COL7A1: variants seen among roughly 807,000 people sequenced by gnomAD.
COL7A1 encodes collagen type VII alpha 1 chain, also known as collagen alpha-1(VII) chain.
Under a neutral mutation model 456.2 loss-of-function variants are expected in COL7A1, and 296 were observed. The ratio of observed to expected loss-of-function variants is 0.65; its 90% CI spans 0.59 to 0.71. COL7A1 has a LOEUF of 0.71. Ranked by LOEUF, COL7A1 falls within the 30% of genes least tolerant of loss-of-function variation. The pLI is 0.00. For missense variants in COL7A1, 3,441 were observed against 4,017.2 expected (o/e 0.86, Z 3.88); for synonymous variants, 1,464 against 1,525.9 (o/e 0.96, Z 0.95).
rs761557801 is a variant in COL7A1, at chr3:48,583,100, C to G, written c.4482+27G>C. The G allele has an allele frequency of 2.5e-6, 4 of 1,613,984 alleles. No individual in the cohort carries two copies. The highest frequency in any genetic ancestry group is 1.7e-5 in the Admixed American group (1 of 60,014). ...GAGTTGGGCCCAGATCCTCCAGGGC[C>G]CTTGGCACCCCCCAGGTTGCACTTA... On this transcript the variant is annotated intron_variant, in intron 43 of 118. Transcript: ENST00000681320. This position sits in a 1 kb window ranked among gnomAD's most constrained non-coding sequence, Gnocchi z 5.1.
At position 48,580,750 on chromosome 3, in the gene COL7A1, C is replaced by A. The variant is rs1016793471; in HGVS notation, c.4981-98G>T. 1.3e-6 allele frequency: 2 copies of A among 1,568,812 alleles called. 1 individual carries two copies. Among genetic ancestry groups the A allele is most frequent in the East Asian group, 4.5e-5 (2 of 44,306 alleles). On this transcript the variant is annotated intron_variant, in intron 54 of 118. Transcript: ENST00000681320. This position sits in a 1 kb window ranked among gnomAD's most constrained non-coding sequence, Gnocchi z 4.5. ...CCCAGGTTCCCCATTACTCCAAAATCCACATCAGAGGTTCCCATCACCCCA... is the reference window on the plus strand; with the variant it reads ...CCCAGGTTCCCCATTACTCCAAAATACACATCAGAGGTTCCCATCACCCCA...
Position 48,568,181 on chromosome 3 carries a change from G to A in COL7A1, c.7795-11C>T, listed in dbSNP as rs752135325. On this transcript the variant is annotated splice_polypyrimidine_tract_variant and intron_variant, in intron 105 of 118. Coordinates refer to ENST00000681320, the MANE Select transcript of COL7A1 (RefSeq NM_000094.4). The surrounding 1 kb of genome is among the most constrained non-coding windows in gnomAD (Gnocchi z 5.2). ...CTTTCCTGGGGATCCCTAGCAGGGA[G>A]AGGGTCCATGTGAGGTCAGAGGAGG... 1 of 1,612,220 alleles carries A rather than the reference G, an allele frequency of 6.2e-7. No individual in the cohort carries two copies. Among genetic ancestry groups the A allele is most frequent in the Non-Finnish European group, 8.5e-7 (1 of 1,179,964 alleles).
rs1183692844 is a variant in COL7A1 at position 48,564,375 on chromosome 3, G to C, written c.*31C>G. On this transcript the variant is annotated 3_prime_UTR_variant, in exon 119 of 119. Transcript: ENST00000681320. This position sits in a 1 kb window ranked among gnomAD's most constrained non-coding sequence, Gnocchi z 6.0. ...CTGCTGAGACCCCGACTCCTCCAGG[G>C]GATGCTGAATCTCAGCTCATTATCT... 1 of 1,613,776 alleles carries C rather than the reference G, an allele frequency of 6.2e-7. No homozygotes were observed. The highest frequency in any genetic ancestry group is 1.7e-5 in the Admixed American group (1 of 60,018).
chr3:48,564,792 G>C lies in COL7A1; in HGVS notation c.8809C>G (p.Gln2937Glu), dbSNP rs1575414031. The change falls in exon 118 of 119, where the codon CAG (glutamine) becomes GAG (glutamate). Residue 2937 changes from glutamine to glutamate, a missense_variant. By Grantham distance (29) the Gln-to-Glu change is conservative (BLOSUM62 2). Around this residue, in one of 3 missense-constraint regions of COL7A1, gnomAD observed 2,084 missense variants for 2,501.3 expected, o/e 0.83. Transcript: ENST00000681320. The surrounding 1 kb of genome is among the most constrained non-coding windows in gnomAD (Gnocchi z 6.0). ...RRCPPRVVQS[Q>E]GTGTAQD ...GGGGCTCAGCCCATACCTGTCCCCT[G>C]GCTCTGGACCACCCGGGGTGGGCAG... 3 of 1,613,714 alleles carry C rather than the reference G, an allele frequency of 1.9e-6. No homozygotes were observed. The highest frequency in any genetic ancestry group is 2.5e-6 in the Non-Finnish European group (3 of 1,179,896).
At position 48,585,007 on chromosome 3, in the gene COL7A1, C is replaced by T; in HGVS notation, c.3975+29G>A. On this transcript the variant is annotated intron_variant, in intron 33 of 118. Transcript: ENST00000681320. The surrounding 1 kb of genome is among the most constrained non-coding windows in gnomAD (Gnocchi z 4.5). ...ACCCCACCCACTCAGGCAGCGCCCA[C>T]CCTGACCTGCAGGACAAGGCTTGCT... 1 of 1,613,636 alleles carries T rather than the reference C, an allele frequency of 6.2e-7. No individual in the cohort carries two copies. Among genetic ancestry groups the T allele is most frequent in the Non-Finnish European group, 8.5e-7 (1 of 1,179,984 alleles).
rs2045853579 is a variant in COL7A1, at chr3:48,593,449, C to A, written c.427G>T (p.Val143Phe). The A allele has an allele frequency of 1.2e-6, 2 of 1,614,120 alleles. No individual in the cohort carries two copies. The highest frequency in any genetic ancestry group is 1.3e-5 in the African/African-American group (1 of 75,038). The change falls in exon 5 of 119, where the codon GTC (valine) becomes TTC (phenylalanine). Residue 143 changes from valine (V) to phenylalanine (F), a missense_variant and splice_region_variant. Physicochemically the swap from Val to Phe is conservative, Grantham distance 50. This residue lies in a region of COL7A1 where 913 missense variants were observed against 1,088.2 expected (regional missense o/e 0.84). Coordinates refer to ENST00000681320, the MANE Select transcript of COL7A1 (RefSeq NM_000094.4). This position sits in a 1 kb window ranked among gnomAD's most constrained non-coding sequence, Gnocchi z 4.4. ...TTCCCGTCTGTGATCAGGATGCAGA[C>A]CTGGGACAGGTGCAGGGGTCAAATC... ...PQLARPGVPK[V>F]CILITDGKSQ... is the part of the protein sequence containing the mutation.
Position 48,574,554 on chromosome 3 carries a change from A to C in COL7A1, c.6394-4T>G. On this transcript the variant is annotated splice_region_variant and splice_polypyrimidine_tract_variant and intron_variant, in intron 78 of 118. Coordinates refer to ENST00000681320, the MANE Select transcript of COL7A1 (RefSeq NM_000094.4). This position sits in a 1 kb window ranked among gnomAD's most constrained non-coding sequence, Gnocchi z 5.0. Reference sequence around the variant, plus strand: ...CTCCTTTGATGCCTGGCACACCCTGAAGGCAGAGTGTCGTGCCCTGAGCCC... The same window carrying C: ...CTCCTTTGATGCCTGGCACACCCTGCAGGCAGAGTGTCGTGCCCTGAGCCC... The C allele has an allele frequency of 6.2e-7, 1 of 1,613,904 alleles. No individual in the cohort carries two copies. The highest frequency in any genetic ancestry group is 8.5e-7 in the Non-Finnish European group (1 of 1,180,016).
At position 48,567,782 on chromosome 3, in the gene COL7A1, G is replaced by A. The variant is rs191603815; in HGVS notation, c.7930-19C>T. On this transcript the variant is annotated intron_variant, in intron 107 of 118. Transcript: ENST00000681320. This position sits in a 1 kb window ranked among gnomAD's most constrained non-coding sequence, Gnocchi z 4.3. ...CTTCTCCCTGCAGGCATCAGGCAGT[G>A]GGGTGAGCCTTAGGCCCCAGGCCAC... 8.1e-6 allele frequency: 13 copies of A among 1,614,176 alleles called. No individual in the cohort carries two copies. The highest frequency in any genetic ancestry group is 1.3e-5 in the African/African-American group (1 of 75,030).
At position 48,580,310 on chromosome 3, in the gene COL7A1, C is replaced by T. The variant is rs749128852; in HGVS notation, c.5087G>A (p.Arg1696His). 1.4e-5 allele frequency: 22 copies of T among 1,610,366 alleles called. No individual in the cohort carries two copies. The highest frequency in any genetic ancestry group is 6.7e-5 in the Admixed American group (4 of 59,626). Residue 1696 changes from arginine (R) to histidine (H), a missense_variant, in exon 56 of 119, where the codon CGT becomes CAT. Coordinates refer to ENST00000681320, the MANE Select transcript of COL7A1 (RefSeq NM_000094.4). The surrounding 1 kb of genome is among the most constrained non-coding windows in gnomAD (Gnocchi z 4.5). ...ACCAGCCCTACTCACCGGCTCCCCA[C>T]GGTCACCCTTGGGTCCAGATGATCC... ...SPGSSGPKGD[R>H]GEPGPPGPPG...
At position 48,581,443 on chromosome 3, in the gene COL7A1, C is replaced by A; in HGVS notation, c.4818+5G>T. 1 of 1,614,032 alleles carries A rather than the reference C, an allele frequency of 6.2e-7. No homozygotes were observed. ...TTGAGGTTGCCCAGGGTAACGGGTA[C>A]TCACTGGGGGTCCTGCTCTGCCAGT... On this transcript the variant is annotated splice_donor_5th_base_variant and intron_variant, in intron 51 of 118. Transcript: ENST00000681320. The surrounding 1 kb of genome is among the most constrained non-coding windows in gnomAD (Gnocchi z 5.8).
chr3:48,569,869 C>A lies in COL7A1; in HGVS notation c.7521+11G>T. On this transcript the variant is annotated intron_variant, in intron 100 of 118. Transcript: ENST00000681320. The surrounding 1 kb of genome is among the most constrained non-coding windows in gnomAD (Gnocchi z 4.9). ...CCCCCACTCATGCCAGGACCTTCCC[C>A]ACGTTCCTACCTTCTCCCCACGCTC... 2.5e-6 allele frequency: 4 copies of A among 1,614,172 alleles called. No individual in the cohort carries two copies. Among genetic ancestry groups the A allele is most frequent in the Non-Finnish European group, 3.4e-6 (4 of 1,180,012 alleles).
Position 48,588,292 on chromosome 3 carries a change from C to A in COL7A1, c.2700G>T (p.Trp900Cys), listed in dbSNP as rs942637497. The A allele has an allele frequency of 6.2e-7, 1 of 1,612,910 alleles. No homozygotes were observed. The highest frequency in any genetic ancestry group is 8.5e-7 in the Non-Finnish European group (1 of 1,180,000). Residue 900 changes from tryptophan (W) to cysteine (C), a missense_variant, in exon 21 of 119, where the codon TGG becomes TGT. Trp to Cys is a radical substitution (Grantham distance 215). Around this residue, in one of 3 missense-constraint regions of COL7A1, gnomAD observed 444 missense variants for 427.6 expected, o/e 1.04. Coordinates refer to ENST00000681320, the MANE Select transcript of COL7A1 (RefSeq NM_000094.4). The surrounding 1 kb of genome is among the most constrained non-coding windows in gnomAD (Gnocchi z 4.6). ...VPRAQGFLLH[W>C]QPEGGQEQSR... Reference sequence around the variant, plus strand: ...GGGGACACCTCTCACCCTCAGGTTGCCAGTGCAGAAGGAAGCCCTGCGCTC... The same window carrying A: ...GGGGACACCTCTCACCCTCAGGTTGACAGTGCAGAAGGAAGCCCTGCGCTC...
At position 48,587,953 on chromosome 3, in the gene COL7A1, G is replaced by A. The variant is rs756112941; in HGVS notation, c.2711-14C>T. 2 of 1,575,768 alleles carry A rather than the reference G, an allele frequency of 1.3e-6. No individual in the cohort carries two copies. Among genetic ancestry groups the A allele is most frequent in the East Asian group, 4.7e-5 (2 of 42,644 alleles). On this transcript the variant is annotated splice_polypyrimidine_tract_variant and intron_variant, in intron 21 of 118. Transcript: ENST00000681320. This position sits in a 1 kb window ranked among gnomAD's most constrained non-coding sequence, Gnocchi z 6.1. Reference sequence around the variant, plus strand: ...GTTCCTGGCCACCTGGGGCAGGCGTGAGGGTGGGGGCCAAGAGCATGTGGG... The same window carrying A: ...GTTCCTGGCCACCTGGGGCAGGCGTAAGGGTGGGGGCCAAGAGCATGTGGG...
chr3:48,575,577 G>A lies in COL7A1; in HGVS notation c.5980-38C>T. On this transcript the variant is annotated intron_variant, in intron 73 of 118. Coordinates refer to ENST00000681320, the MANE Select transcript of COL7A1 (RefSeq NM_000094.4). The surrounding 1 kb of genome is among the most constrained non-coding windows in gnomAD (Gnocchi z 6.3). ...AAGAGAGAATGCTGGTGGCTGTACAGCTACACCCCACTCCACGGGGCACAA... is the reference window on the plus strand; with the variant it reads ...AAGAGAGAATGCTGGTGGCTGTACAACTACACCCCACTCCACGGGGCACAA... The A allele has an allele frequency of 1.2e-6, 2 of 1,612,536 alleles. No individual in the cohort carries two copies. Among genetic ancestry groups the A allele is most frequent in the African/African-American group, 2.7e-5 (2 of 75,072 alleles).
At position 48,581,611 on chromosome 3, in the gene COL7A1, G is replaced by A. The variant is rs146418495; in HGVS notation, c.4744C>T (p.Pro1582Ser). Residue 1582 changes from proline (P) to serine (S), a missense_variant, in exon 50 of 119, where the codon CCT becomes TCT. Pro to Ser is a moderately conservative substitution (Grantham distance 74, BLOSUM62 -1). Coordinates refer to ENST00000681320, the MANE Select transcript of COL7A1 (RefSeq NM_000094.4). This position sits in a 1 kb window ranked among gnomAD's most constrained non-coding sequence, Gnocchi z 5.8. ...GERGPPGLVL[P>S]GDPGPKGDPG... ...TCTCCCTTGGGGCCAGGGTCTCCAGGAAGAACCAAGCCGGGTGGGCCCTGT... is the reference window on the plus strand; with the variant it reads ...TCTCCCTTGGGGCCAGGGTCTCCAGAAAGAACCAAGCCGGGTGGGCCCTGT... 3.3e-5 allele frequency: 54 copies of A among 1,614,042 alleles called. No individual in the cohort carries two copies. The highest frequency in any genetic ancestry group is 4.5e-5 in the Non-Finnish European group (53 of 1,180,032).
Position 48,590,860 on chromosome 3 carries a change from C to A in COL7A1, c.1637-44G>T, listed in dbSNP as rs1270070451. On this transcript the variant is annotated intron_variant, in intron 13 of 118. Transcript: ENST00000681320. The surrounding 1 kb of genome is among the most constrained non-coding windows in gnomAD (Gnocchi z 4.6). The stretch of plus-strand genomic sequence containing the variant: ...TAGGTGGGCAGGGGTCAGAAAGAGA[C>A]AGGGATGTGGGACGATGGCAGTGAT... The A allele has an allele frequency of 1.9e-6, 3 of 1,603,598 alleles. No homozygotes were observed. Among genetic ancestry groups the A allele is most frequent in the Admixed American group, 3.4e-5 (2 of 59,656 alleles).
At chr3:48,576,824 G>A in intron 67 of COL7A1, 53 bp from the exon 68 acceptor site, 1 of 1,613,888 alleles carries the variant, frequency 6.2e-7, no homozygotes, top group Non-Finnish European at 8.5e-7. Context: ...AAAGAGTGGA[G>A]TCATATTCCC....
rs202223853 is a variant in COL7A1 at position 48,572,463 on chromosome 3, C to T, written c.6936+40G>A. 77 of 1,613,938 alleles carry T rather than the reference C, an allele frequency of 4.8e-5. No homozygotes were observed. Among genetic ancestry groups the T allele is most frequent in the Non-Finnish European group, 2.5e-6 (3 of 1,179,922 alleles). ...GTCAGTGGGATTCCTTGGCCCCCAC[C>T]AGTTGACCCCCCCTCACTGGCAGCC... On this transcript the variant is annotated intron_variant, in intron 89 of 118. Coordinates refer to ENST00000681320, the MANE Select transcript of COL7A1 (RefSeq NM_000094.4). The surrounding 1 kb of genome is among the most constrained non-coding windows in gnomAD (Gnocchi z 4.6).
chr3:48,575,578 C>G lies in COL7A1; in HGVS notation c.5980-39G>C. The G allele has an allele frequency of 6.2e-7, 1 of 1,612,538 alleles. No individual in the cohort carries two copies. Among genetic ancestry groups the G allele is most frequent in the Non-Finnish European group, 8.5e-7 (1 of 1,180,010 alleles). ...AGAGAGAATGCTGGTGGCTGTACAGCTACACCCCACTCCACGGGGCACAAC... is the reference window on the plus strand; with the variant it reads ...AGAGAGAATGCTGGTGGCTGTACAGGTACACCCCACTCCACGGGGCACAAC... On this transcript the variant is annotated intron_variant, in intron 73 of 118. Transcript: ENST00000681320. The surrounding 1 kb of genome is among the most constrained non-coding windows in gnomAD (Gnocchi z 6.3).
Sources: allele counts gnomAD v4.1 joint callset, GRCh38; gene constraint gnomAD v4.1.1; regional missense constraint gnomAD v4.1.1; non-coding constraint Gnocchi (gnomAD v3.1); transcripts MANE v1.5; gene names NCBI Gene and HGNC (gene_info 2026-07-23, HGNC 2026-07-21).